The following DIAPH2 variants were observed in gnomAD, a reference collection of about 807,000 sequenced individuals.
DIAPH2 encodes diaphanous related formin 2.
DIAPH2 carries 35 observed loss-of-function variants against 92.7 expected under a neutral mutation model. The observed-to-expected ratio is 0.38, with a 90% CI of 0.29 to 0.50. The LOEUF (loss-of-function observed/expected upper bound fraction) is 0.50, where lower values mean the gene tolerates loss of function less well. DIAPH2 is among the 20% of genes least tolerant of loss of function. The pLI, the probability that DIAPH2 is intolerant of heterozygous loss-of-function variation, is 0.94. For missense variants in DIAPH2, 701 were observed against 819.5 expected (o/e 0.86, Z 1.77); for synonymous variants, 301 against 280.4 (o/e 1.07, Z -0.73).
At chrX:97,579,176 T>C (rs1220855629) in intron 26 of DIAPH2, among the ~76,000 whole-genome samples, 2 of 109,553 alleles carry the variant, frequency 1.8e-5, no homozygotes, top group Non-Finnish European at 3.8e-5. Flanking sequence ...TTTAGTTTAA[T>C]TAGATGCCAT....
At chrX:97,034,484 G>T (rs2066396818) in intron 17 of DIAPH2, among the ~76,000 whole-genome samples, 1 of 107,812 alleles carries the variant, frequency 9.3e-6, no homozygotes. Context: ...ATCTTTCCTT[G>T]GGATTGTACA....
intron 12 of DIAPH2, among the ~76,000 whole-genome samples, chrX:96,941,729 G>A (rs1294753896): frequency 2.7e-5 from 3 of 110,255 alleles, no homozygotes; most frequent in African/African-American, 9.9e-5. Flanking sequence ...AATAGCATAA[G>A]TAAATAGAAA....
At chrX:97,146,629 G>T (rs2067249865) in intron 22 of DIAPH2, among the ~76,000 whole-genome samples, 1 of 111,096 alleles carries the variant, frequency 9.0e-6, no homozygotes, top group Admixed American at 9.6e-5. Flanking sequence ...AGAAGTATGT[G>T]GGTTCCATGG....
intron 22 of DIAPH2, among the ~76,000 whole-genome samples, chrX:97,237,130 A>T (rs1056969683): frequency 8.9e-6 from 1 of 112,082 alleles, no homozygotes; most frequent in Non-Finnish European, 1.9e-5. Flanking sequence ...TTAAACTAGG[A>T]TTTTCTTCTT....
chrX:97,227,871 T>A (rs185380169), intron 22 of DIAPH2, among the ~76,000 whole-genome samples: 1 of 111,861 alleles, frequency 8.9e-6, no homozygotes, highest in East Asian at 2.8e-4. Flanking sequence ...TCCAAGTTAT[T>A]TGTAGGCAAA....
chrX:97,087,978 GTTTTCTAGTTGGTCTTTGTCTCTAGA>G (rs2066795769), intron 19 of DIAPH2, among the ~76,000 whole-genome samples: 1 of 111,328 alleles, frequency 9.0e-6, no homozygotes, highest in Non-Finnish European at 1.9e-5. Context: ...GACTACTATT[GTTTTCTAGTTGGTCTTTGTCTCTAGA>G]CTTCCTCCAG....
chrX:96,793,445 A>G (rs1333982029), intron 4 of DIAPH2, among the ~76,000 whole-genome samples: 7 of 113,082 alleles, frequency 6.2e-5, no homozygotes. Context: ...CTGGGATTAC[A>G]GGCACAAGTG....
chrX:97,111,566 G>A (rs1487802945), intron 20 of DIAPH2, among the ~76,000 whole-genome samples: 2 of 111,784 alleles, frequency 1.8e-5, no homozygotes, highest in African/African-American at 6.5e-5. Flanking sequence ...ATAACTGGTC[G>A]GTTACTAAGT....
chrX:97,485,185 C>T (rs1041328975), intron 26 of DIAPH2, among the ~76,000 whole-genome samples: 1 of 111,828 alleles, frequency 8.9e-6, no homozygotes, highest in Non-Finnish European at 1.9e-5. Flanking sequence ...CCACCTGTCT[C>T]ACACCCAAAG....
At chrX:97,027,641 A>G (rs757487853) in intron 17 of DIAPH2, among the ~76,000 whole-genome samples, 3 of 112,256 alleles carry the variant, frequency 2.7e-5, no homozygotes, top group South Asian at 3.7e-4. Flanking sequence ...AATTATTTGT[A>G]TGTTCCTTTT....
chrX:97,441,221 G>T (rs1204014288), intron 26 of DIAPH2, among the ~76,000 whole-genome samples: 6 of 110,249 alleles, frequency 5.4e-5, no homozygotes, highest in Non-Finnish European at 1.1e-4. Context: ...TTCGAGACCA[G>T]CCTGACCAAC....
chrX:97,216,031 G>A (rs1031798568), intron 22 of DIAPH2, among the ~76,000 whole-genome samples: 5 of 111,899 alleles, frequency 4.5e-5, no homozygotes, highest in Admixed American at 1.9e-4. Context: ...CTCAACTGCC[G>A]AAAGAATTTT....
chrX:97,331,878 A>G (rs1023394052), intron 23 of DIAPH2, among the ~76,000 whole-genome samples: 29 of 111,756 alleles, frequency 2.6e-4, no homozygotes, highest in African/African-American at 9.1e-4. Flanking sequence ...AACAGCCCAC[A>G]TGGAAAAGAA....
At chrX:97,377,202 GC>G (rs2069508939) in intron 24 of DIAPH2, among the ~76,000 whole-genome samples, 1 of 112,019 alleles carries the variant, frequency 8.9e-6, no homozygotes, top group African/African-American at 3.2e-5. Context: ...TGAAGGACCT[GC>G]CCGAGGCCAT....
chrX:97,277,466 G>A (rs1029668283), intron 23 of DIAPH2, among the ~76,000 whole-genome samples: 2 of 112,123 alleles, frequency 1.8e-5, no homozygotes, highest in African/African-American at 6.5e-5. Flanking sequence ...GTTAGGTATG[G>A]CTTCATAGAG....
At chrX:97,276,335 A>T (rs2068451896) in intron 23 of DIAPH2, among the ~76,000 whole-genome samples, 2 of 111,478 alleles carry the variant, frequency 1.8e-5, no homozygotes, top group South Asian at 7.5e-4. Flanking sequence ...ACTTTTTTTT[A>T]ATTTTTATTT....
chrX:96,975,270 C>A (rs1221509068), intron 17 of DIAPH2, among the ~76,000 whole-genome samples: 1 of 111,486 alleles, frequency 9.0e-6, no homozygotes, highest in Non-Finnish European at 1.9e-5. Context: ...TCTGAAGACA[C>A]CCACCCTTGC....
intron 4 of DIAPH2, among the ~76,000 whole-genome samples, chrX:96,794,209 A>G: frequency 1.8e-5 from 2 of 111,319 alleles, no homozygotes; most frequent in Admixed American, 9.6e-5. Flanking sequence ...TGAAGGTTCC[A>G]TCCTCATGAA....
intron 4 of DIAPH2, among the ~76,000 whole-genome samples, chrX:96,782,260 G>A (rs772863601): frequency 2.7e-5 from 3 of 111,105 alleles, no homozygotes; most frequent in East Asian, 5.7e-4. Context: ...CACCACACCC[G>A]GCCAATTGTT....
Sources: allele counts gnomAD v4.1 joint callset (sites outside exome capture counted in the v4.1 genomes callset), GRCh38; gene constraint gnomAD v4.1.1; transcripts MANE v1.5; gene names NCBI Gene and HGNC (gene_info 2026-07-23, HGNC 2026-07-21).